Variants in ARK2N observed in about 807,000 individuals in gnomAD.
ARK2N encodes the protein arkadia (RNF111) N-terminal like PKA signaling regulator 2N, also known as protein ARK2N.
At chr18:46,176,171 T>C in the ARK2N span, among the ~76,000 whole-genome samples, 1 of 152,222 alleles carries the variant, frequency 6.6e-6, no homozygotes, top group African/African-American at 2.4e-5. Flanking sequence ...TTCTGTGCGC[T>C]TCTGTAGTTA....
At chr18:46,233,596 T>A in the ARK2N span, among the ~76,000 whole-genome samples, 2 of 152,204 alleles carry the variant, frequency 1.3e-5, no homozygotes, top group Non-Finnish European at 2.9e-5. Context: ...TTTCTTTTGA[T>A]CAGCTTTTCC....
At chr18:46,223,697 C>T in the ARK2N span, among the ~76,000 whole-genome samples, 1 of 152,102 alleles carries the variant, frequency 6.6e-6, no homozygotes, top group Non-Finnish European at 1.5e-5. Context: ...TGGTTGATTC[C>T]ATCAATCATT....
chr18:46,187,133 C>G, the ARK2N span, among the ~76,000 whole-genome samples: 1 of 151,430 alleles, frequency 6.6e-6, no homozygotes, highest in Non-Finnish European at 1.5e-5. Context: ...GGATTACAGG[C>G]ATGAGCCACC....
the ARK2N span, among the ~76,000 whole-genome samples, chr18:46,260,866 A>G: frequency 0.72 from 109,912 of 152,134 alleles, 39,871 homozygotes; most frequent in Middle Eastern, 0.76. Context: ...AAGAGCCTGG[A>G]TGGTTGTCTT....
At chr18:46,243,774 A>G in the ARK2N span, among the ~76,000 whole-genome samples, 33 of 152,314 alleles carry the variant, frequency 2.2e-4, no homozygotes, top group East Asian at 4.4e-3. Context: ...AGTTTTCCCT[A>G]TCTACAAAAC....
At chr18:46,192,711 A>G in the ARK2N span, among the ~76,000 whole-genome samples, 1 of 151,464 alleles carries the variant, frequency 6.6e-6, no homozygotes, top group African/African-American at 2.4e-5. Flanking sequence ...AGCTGGGACT[A>G]CAGGCCCGCC....
the ARK2N span, among the ~76,000 whole-genome samples, chr18:46,236,418 A>G: frequency 6.6e-6 from 1 of 152,256 alleles, no homozygotes; most frequent in Non-Finnish European, 1.5e-5. Context: ...TTAACCACAG[A>G]TTGAATGGTT....
At chr18:46,174,357 C>G in the ARK2N span, 1 of 152,508 alleles carries the variant, frequency 6.6e-6, no homozygotes, top group African/African-American at 2.4e-5. Flanking sequence ...CGCAGGGCCG[C>G]GGCCTGGCTA....
the ARK2N span, chr18:46,253,696 G>T: frequency 6.2e-7 from 1 of 1,611,262 alleles, no homozygotes; most frequent in Non-Finnish European, 8.5e-7. Context: ...TTCTCTCTCA[G>T]GTCATTTGGA....
the ARK2N span, among the ~76,000 whole-genome samples, chr18:46,187,339 G>C: frequency 8.4e-6 from 1 of 118,878 alleles, no homozygotes; most frequent in Non-Finnish European, 1.9e-5. Flanking sequence ...TGTTTTATAT[G>C]ATAACTGTCT....
chr18:46,253,874 T>C, the ARK2N span: 1 of 1,532,152 alleles, frequency 6.5e-7, no homozygotes, highest in South Asian at 1.2e-5. Context: ...AATTCTATTT[T>C]AACCAGAAAA....
chr18:46,254,103 C>T, the ARK2N span, among the ~76,000 whole-genome samples: 1,750 of 152,294 alleles, frequency 0.011, 61 homozygotes, highest in East Asian at 0.12. Flanking sequence ...GTTAGCTTGA[C>T]AGACTTTTCA....
the ARK2N span, chr18:46,216,343 A>G: frequency 6.2e-7 from 1 of 1,614,096 alleles, no homozygotes; most frequent in East Asian, 2.2e-5. The surrounding 1 kb of genome is among the most constrained non-coding windows in gnomAD (Gnocchi z 4.3). Flanking sequence ...TATGGCTGCC[A>G]AGAAAAACCG....
At chr18:46,206,843 C>CA in the ARK2N span, among the ~76,000 whole-genome samples, 1 of 152,036 alleles carries the variant, frequency 6.6e-6, no homozygotes, top group African/African-American at 2.4e-5. Flanking sequence ...GTGGCATAAT[C>CA]ACAGCTCACT....
At chr18:46,235,250 A>T in the ARK2N span, among the ~76,000 whole-genome samples, 3 of 152,246 alleles carry the variant, frequency 2.0e-5, no homozygotes, top group Non-Finnish European at 4.4e-5. Flanking sequence ...AAACAAAAAT[A>T]CAAAAGTCAC....
chr18:46,179,030 C>T, the ARK2N span, among the ~76,000 whole-genome samples: 1 of 152,096 alleles, frequency 6.6e-6, no homozygotes, highest in Non-Finnish European at 1.5e-5. Context: ...GCAACCTCTG[C>T]CTCCTGGGTT....
At chr18:46,198,576 A>G in the ARK2N span, among the ~76,000 whole-genome samples, 1 of 151,986 alleles carries the variant, frequency 6.6e-6, no homozygotes, top group Non-Finnish European at 1.5e-5. Context: ...CTCATGTTTT[A>G]TACAAATACC....
the ARK2N span, among the ~76,000 whole-genome samples, chr18:46,226,113 T>C: frequency 6.6e-6 from 1 of 152,224 alleles, no homozygotes; most frequent in Non-Finnish European, 1.5e-5. Flanking sequence ...TTTTGTGTCA[T>C]TATTCCACAT....
chr18:46,178,183 G>A, the ARK2N span, among the ~76,000 whole-genome samples: 1 of 152,168 alleles, frequency 6.6e-6, no homozygotes, highest in Non-Finnish European at 1.5e-5. Flanking sequence ...GAATGGATAG[G>A]GCAGATGGAG....
Sources: allele counts gnomAD v4.1 joint callset (sites outside exome capture counted in the v4.1 genomes callset), GRCh38; gene constraint gnomAD v4.1.1; non-coding constraint Gnocchi (gnomAD v3.1); transcripts MANE v1.5; gene names NCBI Gene and HGNC (gene_info 2026-07-23, HGNC 2026-07-21).